The following KLHDC1 variants were observed in gnomAD, a reference collection of about 807,000 sequenced individuals.
KLHDC1 encodes kelch domain-containing protein 1.
In KLHDC1, 53 loss-of-function variants were observed where a neutral mutation model predicts 68.3. That is an observed-to-expected ratio of 0.78 (90% CI 0.62 to 0.98). KLHDC1 has a LOEUF of 0.98. Ranked by LOEUF, KLHDC1 falls within the 50% of genes least tolerant of loss-of-function variation. The probability of loss-of-function intolerance (pLI) is 0.00; values close to 1 mark genes in which losing one functional copy is unlikely to be tolerated. For synonymous variants in KLHDC1, 148 were observed against 159.0 expected (o/e 0.93, Z 0.52); for missense variants, 470 against 492.3 (o/e 0.95, Z 0.43).
intron 1 of KLHDC1, among the ~76,000 whole-genome samples, chr14:49,704,519 G>A (rs1023393052): frequency 1.3e-5 from 2 of 148,556 alleles, no homozygotes; most frequent in African/African-American, 2.5e-5. Context: ...TCAGCCTCCT[G>A]AGTAGCTGGG....
chr14:49,696,471 G>A (rs181878158), intron 1 of KLHDC1, among the ~76,000 whole-genome samples: 46 of 152,168 alleles, frequency 3.0e-4, no homozygotes, highest in African/African-American at 9.2e-4. Flanking sequence ...GTGAGTCACC[G>A]TGCCTGGCCT....
At position 49,695,265 on chromosome 14, in the gene KLHDC1, A is replaced by G. The variant is rs150731143; in HGVS notation, c.96+1975A>G. 3.3e-4 allele frequency among the ~76,000 whole-genome samples: 50 copies of G among 151,994 alleles called. No individual in the cohort carries two copies. In the East Asian group the frequency reaches 9.1e-3, roughly 28 times the overall value. Reference sequence around the variant, plus strand: ...ACCACCATGCCTGGCTAATTTTTGTATTTTTTACAGGCGTGAGCCACCGTG... The same window carrying G: ...ACCACCATGCCTGGCTAATTTTTGTGTTTTTTACAGGCGTGAGCCACCGTG... On this transcript the variant is annotated intron_variant, in intron 1 of 12. Coordinates refer to ENST00000359332, the MANE Select transcript of KLHDC1 (RefSeq NM_172193.3).
intron 4 of KLHDC1, among the ~76,000 whole-genome samples, chr14:49,711,930 T>TTTTTTTTTTTTTA (rs1888214986): frequency 7.2e-6 from 1 of 138,818 alleles, no homozygotes; most frequent in Non-Finnish European, 1.6e-5. Context: ...TTTTTTTTTT[T>TTTTTTTTTTTTTA]TTTTTTTGAG....
At chr14:49,749,129 T>C (rs1437837993) in intron 12 of KLHDC1, among the ~76,000 whole-genome samples, 1 of 152,138 alleles carries the variant, frequency 6.6e-6, no homozygotes, top group East Asian at 1.9e-4. Context: ...ATCATTTATA[T>C]AATGATCAAT....
rs778430080 is a variant in KLHDC1 at position 49,753,080 on chromosome 14, C to A, written c.*1308C>A. 1.3e-5 allele frequency: 2 copies of A among 151,846 alleles called. No individual in the cohort carries two copies. Among genetic ancestry groups the A allele is most frequent in the Non-Finnish European group, 2.9e-5 (2 of 67,970 alleles). 9.4% of individuals were successfully genotyped at this position (151,846 alleles called of 1,614,324 possible). A position where few individuals can be genotyped will look rare whatever the true frequency, so the allele number is the denominator to read the frequency against. ...ATTTTTTTACGTTTTATTTATTGTA[C>A]AAAGTGTATATAATTACTGTTTTCT... On this transcript the variant is annotated 3_prime_UTR_variant, in exon 13 of 13. Transcript: ENST00000359332.
chr14:49,747,182 C>G (rs369868160), intron 12 of KLHDC1, among the ~76,000 whole-genome samples: 1 of 152,098 alleles, frequency 6.6e-6, no homozygotes, highest in African/African-American at 2.4e-5. Flanking sequence ...CTCCTGACCT[C>G]GTGATTCACC....
rs201926678 is a variant in KLHDC1, at chr14:49,703,344, A to ATT, written c.97-5801_97-5800dup. On this transcript the variant is annotated intron_variant, in intron 1 of 12. Coordinates refer to ENST00000359332, the MANE Select transcript of KLHDC1 (RefSeq NM_172193.3). ...TCATAGCATATGTTTTCTTTCATGA[A>ATT]TTTTTTTTTTTTTTTGAGACAGAGT... 4.9e-3 allele frequency among the ~76,000 whole-genome samples: 689 copies of ATT among 141,904 alleles called. 4 individuals are homozygous for ATT. The highest frequency in any genetic ancestry group is 0.017 in the African/African-American group (658 of 39,056). 93.1% of individuals were successfully genotyped at this position (141,904 alleles called of 152,430 possible).
At chr14:49,734,700 A>ATTTTTTTTT in intron 10 of KLHDC1, 39 bp downstream of exon 10, 1 of 1,170,308 alleles carries the variant, frequency 8.5e-7, no homozygotes, top group Non-Finnish European at 1.3e-6. Context: ...ATAGTTAAGA[A>ATTTTTTTTT]TTTTTAAAGT....
intron 3 of KLHDC1, among the ~76,000 whole-genome samples, 168 bp downstream of exon 3, chr14:49,709,994 C>T (rs947178477): frequency 1.3e-5 from 2 of 152,076 alleles, no homozygotes. Context: ...CTCTTCTCTT[C>T]TTCTGTGTCT....
intron 1 of KLHDC1, among the ~76,000 whole-genome samples, chr14:49,705,270 C>T (rs763250455): frequency 2.0e-5 from 3 of 150,616 alleles, no homozygotes; most frequent in African/African-American, 7.3e-5. Flanking sequence ...AATACAGAAT[C>T]ATAAACATTT....
At chr14:49,713,018 C>G (rs886429494) in intron 4 of KLHDC1, among the ~76,000 whole-genome samples, 4 of 145,950 alleles carry the variant, frequency 2.7e-5, no homozygotes, top group South Asian at 4.4e-4. Context: ...GGCGCGATCT[C>G]AGCTCACTGC....
chr14:49,733,506 C>A (rs1888864386), intron 9 of KLHDC1, among the ~76,000 whole-genome samples: 1 of 150,670 alleles, frequency 6.6e-6, no homozygotes, highest in Non-Finnish European at 1.5e-5. Flanking sequence ...CGGCTCACTG[C>A]AACCTCCACC....
At chr14:49,739,615 G>A (rs891358421) in intron 10 of KLHDC1, among the ~76,000 whole-genome samples, 3 of 152,106 alleles carry the variant, frequency 2.0e-5, no homozygotes, top group Admixed American at 6.6e-5. Context: ...CAGTAACATC[G>A]CAGATAGTAA....
At chr14:49,700,798 C>T (rs1171314725) in intron 1 of KLHDC1, among the ~76,000 whole-genome samples, 1 of 151,906 alleles carries the variant, frequency 6.6e-6, no homozygotes, top group Non-Finnish European at 1.5e-5. Context: ...ATTATGGAAA[C>T]AGCCGGGCAC....
intron 10 of KLHDC1, among the ~76,000 whole-genome samples, chr14:49,739,636 G>A (rs1379027278): frequency 6.6e-6 from 1 of 152,064 alleles, no homozygotes; most frequent in African/African-American, 2.4e-5. Context: ...TAAGAAAACT[G>A]GGGAAAGTGC....
At position 49,747,462 on chromosome 14, in the gene KLHDC1, G is replaced by A. The variant is rs190501558; in HGVS notation, c.1034+3657G>A. On this transcript the variant is annotated intron_variant, in intron 12 of 12. Transcript: ENST00000359332. ...AGAAACACAAGAAAATGCAGGAAAA[G>A]CGGGTAGAGCAGTGTCTTGAGAAGG... is the stretch of plus-strand genomic sequence containing the variant. 5.3e-3 allele frequency among the ~76,000 whole-genome samples: 806 copies of A among 152,346 alleles called. 7 individuals are homozygous for A. The highest frequency in any genetic ancestry group is 0.019 in the African/African-American group (773 of 41,580).
chr14:49,694,879 A>C (rs551798388), intron 1 of KLHDC1, among the ~76,000 whole-genome samples: 2 of 152,142 alleles, frequency 1.3e-5, no homozygotes, highest in Non-Finnish European at 2.9e-5. Context: ...AAAACTGTAC[A>C]TACCTAATTT....
chr14:49,693,164 C>T lies in KLHDC1; in HGVS notation c.-31C>T, dbSNP rs772703998. 7.7e-6 allele frequency: 12 copies of T among 1,559,390 alleles called. No homozygotes were observed. In the East Asian group the frequency reaches 1.6e-4, roughly 20 times the overall value. On this transcript the variant is annotated 5_prime_UTR_variant, in exon 1 of 13. Transcript: ENST00000359332. ...GCCGCCGGGCGGGCAGGGGTTGTGGCGCGGCAAGCGGCGGGCCAGCGACGG... is the reference window on the plus strand; with the variant it reads ...GCCGCCGGGCGGGCAGGGGTTGTGGTGCGGCAAGCGGCGGGCCAGCGACGG...
At chr14:49,736,836 C>T (rs1888940850) in intron 10 of KLHDC1, among the ~76,000 whole-genome samples, 1 of 152,172 alleles carries the variant, frequency 6.6e-6, no homozygotes, top group Non-Finnish European at 1.5e-5. Flanking sequence ...CTAAAAATAT[C>T]TCCATATACT....
Sources: allele counts gnomAD v4.1 joint callset (sites outside exome capture counted in the v4.1 genomes callset), GRCh38; gene constraint gnomAD v4.1.1; transcripts MANE v1.5; gene names NCBI Gene and HGNC (gene_info 2026-07-23, HGNC 2026-07-21).